PRKCB: variants seen among roughly 807,000 people sequenced by gnomAD.
PRKCB encodes protein kinase C beta.
PRKCB carries 13 observed loss-of-function variants against 81.5 expected under a neutral mutation model. The ratio of observed to expected loss-of-function variants is 0.16; its 90% confidence interval spans 0.10 to 0.25. The LOEUF is 0.25. Ranked by LOEUF, PRKCB falls within the 10% of genes least tolerant of loss-of-function variation. The pLI is 1.00. For missense variants in PRKCB, 509 were observed against 875.7 expected (o/e 0.58, Z 5.29); for synonymous variants, 335 against 321.4 (o/e 1.04, Z -0.45).
At chr16:23,992,542 T>C (rs1964900256) in intron 3 of PRKCB, among the ~76,000 whole-genome samples, 1 of 152,186 alleles carries the variant, frequency 6.6e-6, no homozygotes, top group African/African-American at 2.4e-5. Flanking sequence ...CTAAGGCATA[T>C]AATGACTTGC....
At position 24,123,769 on chromosome 16, in the gene PRKCB, C is replaced by T. The variant is rs569847148; in HGVS notation, c.919-66C>T. On this transcript the variant is annotated intron_variant, in intron 8 of 16. Transcript: ENST00000643927. ...AGGAACTACAGCTTCCCATTGTGTG[C>T]CTGTGCCTTCCTACAAGATCGTCCT... The T allele has an allele frequency of 8.4e-6, 13 of 1,548,614 alleles. No homozygotes were observed. The East Asian group carries it at 2.3e-4, about 27-fold the overall frequency.
rs557324239 is a variant in PRKCB at position 23,885,762 on chromosome 16, G to A, written c.205+48356G>A. Among the ~76,000 whole-genome samples, 6 of 152,334 alleles carry A rather than the reference G, an allele frequency of 3.9e-5. No individual in the cohort carries two copies. The South Asian group carries it at 1.2e-3, about 32-fold the overall frequency. On this transcript the variant is annotated intron_variant, in intron 2 of 16. Coordinates refer to ENST00000643927, the MANE Select transcript of PRKCB (RefSeq NM_002738.7). The stretch of plus-strand genomic sequence containing the variant: ...AAATGGGAAATGAAAGCCACTGTGT[G>A]CTGGAAAATATATATTTCAGACACG...
At chr16:23,855,886 G>GA (rs1208437486) in intron 2 of PRKCB, among the ~76,000 whole-genome samples, 7 of 152,214 alleles carry the variant, frequency 4.6e-5, no homozygotes, top group African/African-American at 1.7e-4. Context: ...GAGTCCCAGG[G>GA]AGGACACAGC....
chr16:23,863,977 C>T (rs1001080475), intron 2 of PRKCB, among the ~76,000 whole-genome samples: 5 of 151,940 alleles, frequency 3.3e-5, no homozygotes, highest in Admixed American at 1.3e-4. Context: ...TGTACCAGCC[C>T]GTCAGTAATG....
At chr16:23,875,562 C>CAT (rs10664783) in intron 2 of PRKCB, among the ~76,000 whole-genome samples, 87,316 of 92,096 alleles carry the variant, frequency 0.95, 41,747 homozygotes, top group East Asian at 0.99. Flanking sequence ...ATATCACACA[C>CAT]ATGTGTATAT....
chr16:23,844,823 A>G (rs913829609), intron 2 of PRKCB, among the ~76,000 whole-genome samples: 1 of 150,620 alleles, frequency 6.6e-6, no homozygotes, highest in Admixed American at 6.6e-5. Flanking sequence ...TTTTGTTTAG[A>G]CAAACTCTCA....
intron 2 of PRKCB, among the ~76,000 whole-genome samples, chr16:23,905,580 A>G (rs760429138): frequency 3.2e-4 from 49 of 152,232 alleles, no homozygotes; most frequent in Admixed American, 5.2e-4. Context: ...TTAACTGGGC[A>G]TTCTGTAGTT....
chr16:23,857,659 A>G (rs1352846531), intron 2 of PRKCB, among the ~76,000 whole-genome samples: 2 of 152,162 alleles, frequency 1.3e-5, no homozygotes, highest in Non-Finnish European at 2.9e-5. Flanking sequence ...AAGTCCAAGA[A>G]AAAAATGAAA....
At chr16:24,031,998 C>T (rs1008022485) in intron 3 of PRKCB, 138 bp from the exon 4 acceptor site, 1 of 586,770 alleles carries the variant, frequency 1.7e-6, no homozygotes. Flanking sequence ...AGGGCTCCAG[C>T]GATGGTCCCA....
intron 9 of PRKCB, among the ~76,000 whole-genome samples, chr16:24,140,951 A>G (rs1223266632): frequency 1.3e-5 from 2 of 152,182 alleles, no homozygotes; most frequent in African/African-American, 2.4e-5. Flanking sequence ...TCCAGAAATG[A>G]CTAAGGGCAG....
At chr16:23,905,743 T>C (rs1963549617) in intron 2 of PRKCB, among the ~76,000 whole-genome samples, 1 of 152,174 alleles carries the variant, frequency 6.6e-6, no homozygotes, top group South Asian at 2.1e-4. Context: ...CTTAGGACAT[T>C]GTAGGTGCTT....
intron 2 of PRKCB, among the ~76,000 whole-genome samples, chr16:23,965,503 T>C (rs1442669680): frequency 1.3e-5 from 2 of 152,210 alleles, no homozygotes; most frequent in Admixed American, 6.5e-5. Context: ...TGTTGAGCAA[T>C]GAATGGATGA....
intron 3 of PRKCB, among the ~76,000 whole-genome samples, chr16:24,016,132 C>A (rs974644904): frequency 2.0e-5 from 3 of 152,014 alleles, no homozygotes; most frequent in African/African-American, 4.8e-5. Context: ...CCTAGCTCCC[C>A]CTAGGGTTGT....
chr16:24,039,073 G>GATCA (rs1201035461), intron 5 of PRKCB, among the ~76,000 whole-genome samples: 2 of 152,144 alleles, frequency 1.3e-5, no homozygotes, highest in African/African-American at 2.4e-5. Context: ...AAGAAAGAGA[G>GATCA]ATCATTCTGT....
chr16:23,958,860 C>A (rs918732194), intron 2 of PRKCB, among the ~76,000 whole-genome samples: 3 of 151,926 alleles, frequency 2.0e-5, no homozygotes, highest in African/African-American at 2.4e-5. Context: ...GGAGTTCAAT[C>A]AAGTTCGTCT....
intron 3 of PRKCB, among the ~76,000 whole-genome samples, chr16:24,001,938 G>A (rs759208446): frequency 6.6e-6 from 1 of 152,172 alleles, no homozygotes; most frequent in South Asian, 2.1e-4. Flanking sequence ...GTACTTGCAA[G>A]ATACTTTTCC....
In PRKCB at chr16:23,879,606, G is replaced by A. The variant is rs551474541; in HGVS notation, c.205+42200G>A. On this transcript the variant is annotated intron_variant, in intron 2 of 16. Coordinates refer to ENST00000643927, the MANE Select transcript of PRKCB (RefSeq NM_002738.7). ...CCTCCCCAGTTCAAGTGATTCTCCA[G>A]CCTAGGCCTCCCGAGTAGCTGGGAT... Among the ~76,000 whole-genome samples, 123 of 147,670 alleles carry A rather than the reference G, an allele frequency of 8.3e-4. 2 individuals carry two copies. The highest frequency in any genetic ancestry group is 3.0e-3 in the African/African-American group (118 of 39,864).
chr16:23,965,357 G>T (rs1230058717), intron 2 of PRKCB, among the ~76,000 whole-genome samples: 1 of 152,174 alleles, frequency 6.6e-6, no homozygotes, highest in Admixed American at 6.5e-5. Flanking sequence ...GTATTCCATG[G>T]TGTTTATATA....
At chr16:24,113,165 T>C in intron 8 of PRKCB, 96 bp downstream of exon 8, 2 of 856,922 alleles carry the variant, frequency 2.3e-6, no homozygotes, top group South Asian at 1.9e-5. Context: ...TTCTCTCTTA[T>C]TCTTTTTTCT....
Sources: gnomAD v4.1 joint callset for allele counts (sites outside exome capture counted in the v4.1 genomes callset) on GRCh38, gnomAD v4.1.1 for gene constraint, MANE v1.5 for transcripts, NCBI Gene and HGNC (gene_info 2026-07-23, HGNC 2026-07-21) for gene names.